DHX8: variants seen among roughly 807,000 people sequenced by gnomAD.
DHX8 encodes the protein DEAH-box helicase 8, also known as ATP-dependent RNA helicase DHX8.
A neutral mutation model predicts 140.7 loss-of-function variants in DHX8; 67 were observed. The observed-to-expected ratio is 0.48, with a 90% CI of 0.39 to 0.58. The LOEUF (loss-of-function observed/expected upper bound fraction) is 0.58, where lower values mean the gene tolerates loss of function less well. DHX8 is among the 20% of genes least tolerant of loss of function. DHX8 has a pLI of 0.00. For synonymous variants in DHX8, 533 were observed against 553.2 expected, an observed-to-expected ratio of 0.96 and a Z score of 0.51; for missense variants, 887 against 1,550.7, an observed-to-expected ratio of 0.57 and a Z score of 7.19.
chr17:43,492,665 C>A lies in DHX8; in HGVS notation c.504-16C>A. On this transcript the variant is annotated splice_polypyrimidine_tract_variant and intron_variant, in intron 5 of 22. Transcript: ENST00000262415. ...GATTGGTTTCTTTTTTAAACAGGTGCTTATTGATTTGTTAGGGACAGGACA... is the reference window on the plus strand; with the variant it reads ...GATTGGTTTCTTTTTTAAACAGGTGATTATTGATTTGTTAGGGACAGGACA... The A allele has an allele frequency of 7.0e-7, 1 of 1,421,636 alleles. No individual in the cohort carries two copies. The highest frequency in any genetic ancestry group is 2.3e-5 in the East Asian group (1 of 43,896). The allele number at this position is 1,421,636 out of a possible 1,614,324, so 88.1% of individuals were successfully genotyped here. A position where few individuals can be genotyped will look rare whatever the true frequency, so the allele number is the denominator to read the frequency against.
chr17:43,526,542 C>A, downstream of DHX8: 1 of 1,535,684 alleles, frequency 6.5e-7, no homozygotes, highest in Non-Finnish European at 8.7e-7. Context: ...CTCATTGGAG[C>A]AGTGCCTCTC....
rs1473951979 is a variant in DHX8, at chr17:43,507,008, C to A, written c.1734C>A (p.Val578=). Residue 578 remains valine (V), a synonymous_variant, in exon 13 of 23, where the codon GTC becomes GTA. Transcript: ENST00000262415. ...YKLKEQLVQA[V]HDNQILIVIG... Reference sequence around the variant, plus strand: ...TTATATTCTGTTGCTTTCAGGCCGTCCATGACAATCAGATCCTGATTGTCA... The same window carrying A: ...TTATATTCTGTTGCTTTCAGGCCGTACATGACAATCAGATCCTGATTGTCA... 2 of 1,596,002 alleles carry A rather than the reference C, an allele frequency of 1.3e-6. No homozygotes were observed. Among genetic ancestry groups the A allele is most frequent in the Admixed American group, 1.8e-5 (1 of 56,298 alleles).
At chr17:43,493,934 A>G in intron 8 of DHX8, 48 bp downstream of exon 8, 1 of 1,603,442 alleles carries the variant, frequency 6.2e-7, no homozygotes, top group Non-Finnish European at 8.5e-7. Context: ...AGCATGTAGC[A>G]TGGTGCTTAG....
downstream of DHX8, chr17:43,526,128 G>T (rs1970607554): frequency 1.0e-6 from 1 of 985,196 alleles, no homozygotes; most frequent in African/African-American, 1.7e-5. Context: ...CTGCTCTGAG[G>T]GAGAAGGGGG....
At chr17:43,490,860 G>GT (rs1290859052) in intron 3 of DHX8, among the ~76,000 whole-genome samples, 1 of 151,800 alleles carries the variant, frequency 6.6e-6, no homozygotes, top group Non-Finnish European at 1.5e-5. Flanking sequence ...AGTGACAGAG[G>GT]TTTTTTTCCC....
rs1266416418 is a variant in DHX8, at chr17:43,525,433, G to C, written c.*1586G>C. 26 of 983,736 alleles carry C rather than the reference G, an allele frequency of 2.6e-5. No individual in the cohort carries two copies. The highest frequency in any genetic ancestry group is 3.1e-5 in the Non-Finnish European group (26 of 828,504). The allele number at this position is 983,736 out of a possible 1,614,324, so 60.9% of individuals were successfully genotyped here. A position where few individuals can be genotyped will look rare whatever the true frequency, so the allele number is the denominator to read the frequency against. On this transcript the variant is annotated 3_prime_UTR_variant, in exon 23 of 23. Coordinates refer to ENST00000262415, the MANE Select transcript of DHX8 (RefSeq NM_004941.3). ...AGGAATATAGGCCAGGCAATCTGCTGGCTGCAGATCCCTGCCCCTTCATTA... is the reference window on the plus strand; with the variant it reads ...AGGAATATAGGCCAGGCAATCTGCTCGCTGCAGATCCCTGCCCCTTCATTA...
At chr17:43,538,796 A>T (rs900870944) in intron 3 of DHX8, among the ~76,000 whole-genome samples, 1 of 152,068 alleles carries the variant, frequency 6.6e-6, no homozygotes, top group South Asian at 2.1e-4. Flanking sequence ...TAGCCCGAGG[A>T]GGCTGGACTC....
downstream of DHX8, chr17:43,526,134 G>A (rs1350057374): frequency 1.0e-6 from 1 of 977,324 alleles, no homozygotes; most frequent in South Asian, 4.7e-5. Flanking sequence ...TGAGGGAGAA[G>A]GGGGGGGTCC....
At position 43,520,052 on chromosome 17, in the gene DHX8, G is replaced by A. The variant is rs1255656719; in HGVS notation, c.2800-78G>A. The A allele has an allele frequency of 3.2e-6, 5 of 1,541,648 alleles. No individual in the cohort carries two copies. In the South Asian group the frequency reaches 5.8e-5, roughly 18 times the overall value. ...TGCAATTGAAGAAATGGGAAATAAA[G>A]TAACAAGTAGCTTCCCCACATGCTG... On this transcript the variant is annotated intron_variant, in intron 18 of 22. Coordinates refer to ENST00000262415, the MANE Select transcript of DHX8 (RefSeq NM_004941.3).
chr17:43,522,280 T>G (rs930164392), intron 22 of DHX8, 54 bp downstream of exon 22: 15 of 1,537,576 alleles, frequency 9.8e-6, no homozygotes, highest in African/African-American at 1.4e-5. Context: ...GAAAAACCTG[T>G]AAATTTCCTG....
intron 1 of DHX8, among the ~76,000 whole-genome samples, chr17:43,487,695 G>C (rs1437801828): frequency 6.6e-6 from 1 of 152,142 alleles, no homozygotes; most frequent in Non-Finnish European, 1.5e-5. Context: ...TCAAGAACTA[G>C]GCCGGGCACA....
At chr17:43,493,912 A>G in intron 8 of DHX8, 26 bp downstream of exon 8, 1 of 1,612,708 alleles carries the variant, frequency 6.2e-7, no homozygotes, top group Non-Finnish European at 8.5e-7. Context: ...TTTCATGACC[A>G]GATAGTCATT....
chr17:43,520,999 C>T lies in DHX8; in HGVS notation c.3066+120C>T, dbSNP rs570745074. 2,174 of 925,270 alleles carry T rather than the reference C, an allele frequency of 2.3e-3. 2 individuals carry two copies. The highest frequency in any genetic ancestry group is 2.9e-3 in the Non-Finnish European group (1,984 of 673,732). 57.3% of individuals were successfully genotyped at this position (925,270 alleles called of 1,614,324 possible). A position where few individuals can be genotyped will look rare whatever the true frequency, so the allele number is the denominator to read the frequency against. On this transcript the variant is annotated intron_variant, in intron 20 of 22. Coordinates refer to ENST00000262415, the MANE Select transcript of DHX8 (RefSeq NM_004941.3). ...TTTTTTTTTTTTTTTGAGATGGAGT[C>T]TCACTCTGTTGCCCAGGCTGGAGTG...
At chr17:43,530,184 G>A (rs1417222824), downstream of DHX8, 2 of 1,554,264 alleles carry the variant, frequency 1.3e-6, no homozygotes, top group Middle Eastern at 1.7e-4. Context: ...GGTGACATCT[G>A]TGGGGGAAGA....
intron 21 of DHX8, among the ~76,000 whole-genome samples, chr17:43,521,801 C>T (rs1970386983): frequency 6.6e-6 from 1 of 152,180 alleles, no homozygotes; most frequent in South Asian, 2.1e-4. Context: ...GAAAAAAATG[C>T]TCTTTGTTTG....
At chr17:43,510,105 A>G (rs990372104) in intron 16 of DHX8, among the ~76,000 whole-genome samples, 2 of 151,714 alleles carry the variant, frequency 1.3e-5, no homozygotes, top group African/African-American at 4.8e-5. Flanking sequence ...CTGGAGTGCA[A>G]TGGTGCGATC....
At chr17:43,517,349 G>C in intron 18 of DHX8, 27 bp downstream of exon 18, 1 of 1,610,096 alleles carries the variant, frequency 6.2e-7, no homozygotes, top group Non-Finnish European at 8.5e-7. Context: ...TGTTAAAATG[G>C]GTTGGTGGAA....
intron 2 of DHX8, chr17:43,532,641 C>G: frequency 1.3e-6 from 2 of 1,583,946 alleles, no homozygotes; most frequent in East Asian, 2.3e-5. Flanking sequence ...AACACTTGAT[C>G]ACATGCCACC....
chr17:43,499,198 G>A (rs1969045069), intron 10 of DHX8, among the ~76,000 whole-genome samples: 1 of 152,152 alleles, frequency 6.6e-6, no homozygotes, highest in Non-Finnish European at 1.5e-5. Context: ...AGATAGATAG[G>A]AATGCTTAAT....
Sources: allele counts gnomAD v4.1 joint callset (sites outside exome capture counted in the v4.1 genomes callset), GRCh38; gene constraint gnomAD v4.1.1; transcripts MANE v1.5; gene names NCBI Gene and HGNC (gene_info 2026-07-23, HGNC 2026-07-21).